Variants in KHDRBS2 observed in about 807,000 individuals in gnomAD.
The protein encoded by KHDRBS2 is KH domain-containing, RNA-binding, signal transduction-associated protein 2.
Under a neutral mutation model 44.3 loss-of-function variants are expected in KHDRBS2, and 26 were observed. The ratio of observed to expected loss-of-function variants is 0.59; its 90% CI spans 0.43 to 0.81. KHDRBS2 has a LOEUF of 0.81. Among genes scored for constraint, KHDRBS2 ranks in the 40% least tolerant of loss-of-function variants. The pLI is 0.00. For missense variants in KHDRBS2, 476 were observed against 433.1 expected (o/e 1.10, Z -0.88); for synonymous variants, 194 against 151.1 (o/e 1.28, Z -2.08).
In KHDRBS2 at chr6:62,060,397, C is replaced by A. The variant is rs148109370; in HGVS notation, c.220-12403G>T. Among the ~76,000 whole-genome samples the A allele has an allele frequency of 3.8e-3, 580 of 151,694 alleles. 1 individual carries two copies. Among genetic ancestry groups the A allele is most frequent in the African/African-American group, 0.014 (562 of 41,426 alleles). ...GCAGTTTGAGGATTGGAAGACTACA[C>A]AAAGACCTATAGAAATCTGGAAACC... On this transcript the variant is annotated intron_variant, in intron 2 of 8. Transcript: ENST00000281156.
intron 2 of KHDRBS2, among the ~76,000 whole-genome samples, chr6:62,086,913 T>A (rs1798497762): frequency 1.4e-5 from 2 of 142,870 alleles, no homozygotes; most frequent in African/African-American, 2.6e-5. Context: ...AAGAGTAAAG[T>A]CAAAATTGGA....
chr6:62,157,160 C>A (rs1360210551), intron 2 of KHDRBS2, among the ~76,000 whole-genome samples: 1 of 151,344 alleles, frequency 6.6e-6, no homozygotes, highest in Non-Finnish European at 1.5e-5. Context: ...TCGAGACCAT[C>A]CTGGCCATCA....
chr6:61,590,113 G>A, the KHDRBS2 span, among the ~76,000 whole-genome samples: 1 of 152,094 alleles, frequency 6.6e-6, no homozygotes, highest in South Asian at 2.1e-4. Context: ...TATTTAATAT[G>A]TGTTTTTGCC....
intron 4 of KHDRBS2, among the ~76,000 whole-genome samples, chr6:61,969,887 A>T (rs1398954344): frequency 6.6e-6 from 1 of 151,966 alleles, no homozygotes; most frequent in Non-Finnish European, 1.5e-5. Context: ...TGTTTCAAAA[A>T]AAAACATATA....
the KHDRBS2 span, among the ~76,000 whole-genome samples, chr6:61,550,317 G>C: frequency 6.6e-6 from 1 of 152,194 alleles, no homozygotes; most frequent in East Asian, 1.9e-4. Flanking sequence ...CTGTTCCTGT[G>C]TTCACTTAGG....
intron 2 of KHDRBS2, among the ~76,000 whole-genome samples, chr6:62,156,266 A>G (rs1302095987): frequency 1.3e-5 from 2 of 152,220 alleles, no homozygotes; most frequent in Non-Finnish European, 1.5e-5. Flanking sequence ...GTTCTACTAA[A>G]GTATGTACTT....
intron 4 of KHDRBS2, among the ~76,000 whole-genome samples, chr6:61,955,199 CAT>C (rs1292457167): frequency 3.8e-4 from 54 of 141,278 alleles, no homozygotes; most frequent in Admixed American, 2.4e-3. Flanking sequence ...TGTATGTATA[CAT>C]ATATATGTAT....
intron 2 of KHDRBS2, among the ~76,000 whole-genome samples, chr6:62,131,098 T>A (rs1157653352): frequency 6.6e-6 from 1 of 152,170 alleles, no homozygotes; most frequent in Non-Finnish European, 1.5e-5. Context: ...TTGTAATATA[T>A]CTTGTAATCA....
intron 1 of KHDRBS2, among the ~76,000 whole-genome samples, chr6:62,218,245 C>A (rs928818573): frequency 4.0e-5 from 6 of 151,856 alleles, no homozygotes; most frequent in African/African-American, 1.4e-4. Flanking sequence ...CGAGAACAAT[C>A]CCAAGCCTTA....
chr6:62,256,647 C>T (rs990822829), intron 1 of KHDRBS2, among the ~76,000 whole-genome samples: 26 of 152,112 alleles, frequency 1.7e-4, no homozygotes, highest in Admixed American at 3.9e-4. Context: ...AACATGAAAA[C>T]GGACTAATAC....
intron 6 of KHDRBS2, among the ~76,000 whole-genome samples, chr6:61,872,547 G>T (rs1314617823): frequency 1.3e-5 from 2 of 151,986 alleles, no homozygotes; most frequent in South Asian, 2.1e-4. Context: ...AGGACACCTA[G>T]GCCTAAAAGA....
chr6:61,596,563 A>C, the KHDRBS2 span, among the ~76,000 whole-genome samples: 122,602 of 152,120 alleles, frequency 0.81, 49,894 homozygotes, highest in African/African-American at 0.91. Context: ...CTCATTTAGA[A>C]CATAACTATT....
intron 3 of KHDRBS2, among the ~76,000 whole-genome samples, chr6:62,017,209 A>T (rs1303420791): frequency 6.6e-6 from 1 of 152,134 alleles, no homozygotes; most frequent in Non-Finnish European, 1.5e-5. Flanking sequence ...GTCACATGAC[A>T]TGGTGTTTTC....
intron 1 of KHDRBS2, among the ~76,000 whole-genome samples, chr6:62,197,622 G>A (rs1825969865): frequency 6.6e-6 from 1 of 151,948 alleles, no homozygotes; most frequent in South Asian, 2.1e-4. Context: ...GTCTAGTGGA[G>A]ACAAAGTCCA....
At chr6:61,917,577 C>T (rs1460850917) in intron 4 of KHDRBS2, among the ~76,000 whole-genome samples, 1 of 151,882 alleles carries the variant, frequency 6.6e-6, no homozygotes, top group African/African-American at 2.4e-5. Context: ...AGATGTCATG[C>T]CTTTGCCCAA....
chr6:61,577,421 T>C, the KHDRBS2 span, among the ~76,000 whole-genome samples: 1 of 152,156 alleles, frequency 6.6e-6, no homozygotes. Context: ...GCCTACACCG[T>C]GTCAGAGACA....
At chr6:61,894,946 T>C in intron 5 of KHDRBS2, 113 bp from the exon 6 acceptor site, 1 of 646,908 alleles carries the variant, frequency 1.5e-6, no homozygotes, top group Non-Finnish European at 2.7e-6. Context: ...TACAAATTTC[T>C]CTCTCTCTCT....
the KHDRBS2 span, among the ~76,000 whole-genome samples, chr6:61,647,318 A>G: frequency 6.6e-6 from 1 of 152,116 alleles, no homozygotes; most frequent in Non-Finnish European, 1.5e-5. Flanking sequence ...GGTTTATAAT[A>G]TTACTTGTTT....
chr6:62,073,696 C>T (rs1795758228), intron 2 of KHDRBS2, among the ~76,000 whole-genome samples: 1 of 151,276 alleles, frequency 6.6e-6, no homozygotes, highest in Admixed American at 6.6e-5. Flanking sequence ...TTATTGTGAT[C>T]CCAGAAGGGC....
Sources: allele counts gnomAD v4.1 joint callset (sites outside exome capture counted in the v4.1 genomes callset), GRCh38; gene constraint gnomAD v4.1.1; transcripts MANE v1.5; gene names NCBI Gene and HGNC (gene_info 2026-07-23, HGNC 2026-07-21).